The following TMEM238 variants were observed in gnomAD, a reference collection of about 807,000 sequenced individuals.
The protein encoded by TMEM238 is transmembrane protein 238.
For synonymous variants in TMEM238, 103 were observed against 111.5 expected, an observed-to-expected ratio of 0.92 and a Z score of 0.48; for missense variants, 169 against 206.8, an observed-to-expected ratio of 0.82 and a Z score of 1.12.
At chr19:55,380,400 TCCTCCCCTCC>T (rs1406767161) in intron 1 of TMEM238, among the ~76,000 whole-genome samples, 13 of 56,110 alleles carry the variant, frequency 2.3e-4, no homozygotes, top group Non-Finnish European at 3.8e-4. Context: ...CCTTCCCCCC[TCCTCCCCTCC>T]CCTCCCCTCC....
At position 55,384,213 on chromosome 19, in the gene TMEM238, C is replaced by T. The variant is rs544484361; in HGVS notation, c.47G>A (p.Gly16Asp). The T allele has an allele frequency of 6.3e-5, 73 of 1,163,536 alleles. No individual in the cohort carries two copies. In the Middle Eastern group the frequency reaches 2.5e-3, roughly 40 times the overall value. The allele number at this position is 1,163,536 out of a possible 1,614,324, so 72.1% of individuals were successfully genotyped here. ...CGCGGCCGCCGGCGCGGACGGTGCA[C>T]CCGGCGGGCTCCCCTGCGAGGCGCA... is the stretch of plus-strand genomic sequence containing the variant. ...AVCASQGSPPGAPSAPAAAPA... is the reference protein window; with the variant it reads ...AVCASQGSPPDAPSAPAAAPA... The change falls in exon 1 of 2, where the codon GGT (glycine) becomes GAT (aspartate). Residue 16 changes from glycine to aspartate, a missense_variant. Coordinates refer to ENST00000444469, the MANE Select transcript of TMEM238 (RefSeq NM_001190764.2). This position sits in a 1 kb window ranked among gnomAD's most constrained non-coding sequence, Gnocchi z 5.6.
intron 1 of TMEM238, among the ~76,000 whole-genome samples, chr19:55,382,603 T>G (rs1569037279): frequency 6.6e-6 from 1 of 152,154 alleles, no homozygotes; most frequent in Admixed American, 6.5e-5. Flanking sequence ...CAACTGGCTA[T>G]CTGTGGACTA....
At chr19:55,380,616 G>C (rs920412239) in intron 1 of TMEM238, among the ~76,000 whole-genome samples, 5 of 150,970 alleles carry the variant, frequency 3.3e-5, no homozygotes, top group African/African-American at 9.8e-5. Flanking sequence ...GTAGAGACAG[G>C]GTTTCACCAT....
chr19:55,380,718 C>T (rs1013202625), intron 1 of TMEM238, among the ~76,000 whole-genome samples: 4 of 151,468 alleles, frequency 2.6e-5, no homozygotes, highest in African/African-American at 9.7e-5. Flanking sequence ...AGCCACCATG[C>T]CCAACCTCAT....
At chr19:55,381,418 CAAAAAAAAAAAAAAAA>C (rs56902543) in intron 1 of TMEM238, among the ~76,000 whole-genome samples, 1 of 53,532 alleles carries the variant, frequency 1.9e-5, no homozygotes, top group African/African-American at 6.3e-5. Flanking sequence ...AACTCCATCT[CAAAAAAAAAAAAAAAA>C]AAAAAAAAAG....
At position 55,384,058 on chromosome 19, in the gene TMEM238, C is replaced by T; in HGVS notation, c.202G>A (p.Gly68Arg). The T allele has an allele frequency of 6.7e-7, 1 of 1,481,842 alleles. No homozygotes were observed. Among genetic ancestry groups the T allele is most frequent in the Non-Finnish European group, 9.0e-7 (1 of 1,114,090 alleles). The allele number at this position is 1,481,842 out of a possible 1,614,324, so 91.8% of individuals were successfully genotyped here. A position where few individuals can be genotyped will look rare whatever the true frequency, so the allele number is the denominator to read the frequency against. The change falls in exon 1 of 2, where the codon GGG (glycine) becomes AGG (arginine). Residue 68 changes from glycine to arginine, a missense_variant. Transcript: ENST00000444469. The surrounding 1 kb of genome is among the most constrained non-coding windows in gnomAD (Gnocchi z 5.6). The part of the protein sequence containing the change: ...AQLQVRGRDF[G>R]DLLIYSGALL... The stretch of plus-strand genomic sequence containing the variant: ...GCGCCCGAGTAGATGAGCAGGTCCC[C>T]GAAGTCGCGGCCGCGCACCTGCAGC...
intron 1 of TMEM238, 44 bp from the exon 2 acceptor site, chr19:55,379,411 C>G (rs557842555): frequency 6.6e-6 from 1 of 152,242 alleles, no homozygotes; most frequent in South Asian, 2.1e-4. Context: ...AGGAACCCCT[C>G]CCATCCCTGT....
chr19:55,379,661 CAAAG>C (rs1462725651), intron 1 of TMEM238, among the ~76,000 whole-genome samples: 1 of 151,964 alleles, frequency 6.6e-6, no homozygotes, highest in East Asian at 1.9e-4. Context: ...AGCACAGGGA[CAAAG>C]AAAGAGACCT....
chr19:55,382,217 C>T (rs899809681), intron 1 of TMEM238, among the ~76,000 whole-genome samples: 1 of 151,780 alleles, frequency 6.6e-6, no homozygotes, highest in East Asian at 1.9e-4. Context: ...CATCCATCAA[C>T]CAACTCATCC....
At position 55,383,899 on chromosome 19, in the gene TMEM238, G is replaced by A; in HGVS notation, c.361C>T (p.Arg121Cys). ...ALARLARKLS[R>C]RWSAPAAAGQ... ...GCGGCGGCGGGCGCCGACCAGCGGC[G>A]GGAGAGCTTGCGCGCCAGGCGGGCG... is the stretch of plus-strand genomic sequence containing the variant. Residue 121 changes from arginine (R) to cysteine (C), a missense_variant, in exon 1 of 2, where the codon CGC becomes TGC. Physicochemically the swap from Arg to Cys is radical, Grantham distance 180 (BLOSUM62 -3). Coordinates refer to ENST00000444469, the MANE Select transcript of TMEM238 (RefSeq NM_001190764.2). The surrounding 1 kb of genome is among the most constrained non-coding windows in gnomAD (Gnocchi z 4.9). 1 of 1,144,276 alleles carries A rather than the reference G, an allele frequency of 8.7e-7. No homozygotes were observed. Among genetic ancestry groups the A allele is most frequent in the Non-Finnish European group, 1.1e-6 (1 of 925,250 alleles). The allele number at this position is 1,144,276 out of a possible 1,614,324, so 70.9% of individuals were successfully genotyped here. A position where few individuals can be genotyped will look rare whatever the true frequency, so the allele number is the denominator to read the frequency against.
chr19:55,383,879 G>T lies in TMEM238; in HGVS notation c.381C>A (p.Ala127=), dbSNP rs1046039328. Residue 127 remains alanine, a synonymous_variant, in exon 1 of 2, where the codon GCC becomes GCA. Transcript: ENST00000444469. The surrounding 1 kb of genome is among the most constrained non-coding windows in gnomAD (Gnocchi z 4.9). ...RKLSRRWSAP[A]AAGQRPAPGS... ...CGGGCGCGGGGCGCTGGCCCGCGGC[G>T]GCGGGCGCCGACCAGCGGCGGGAGA... is the stretch of plus-strand genomic sequence containing the variant. The T allele has an allele frequency of 5.8e-6, 6 of 1,037,504 alleles. No homozygotes were observed. The highest frequency in any genetic ancestry group is 7.0e-6 in the Non-Finnish European group (6 of 853,762). The allele number at this position is 1,037,504 out of a possible 1,614,324, so 64.3% of individuals were successfully genotyped here.
intron 1 of TMEM238, among the ~76,000 whole-genome samples, chr19:55,380,676 C>T (rs554284054): frequency 6.6e-6 from 1 of 151,654 alleles, no homozygotes; most frequent in Non-Finnish European, 1.5e-5. Flanking sequence ...CCACCCGCCT[C>T]GGCCTCCCAA....
At chr19:55,381,160 TG>T (rs1262968816) in intron 1 of TMEM238, among the ~76,000 whole-genome samples, 7 of 151,966 alleles carry the variant, frequency 4.6e-5, no homozygotes, top group Admixed American at 4.6e-4. Context: ...GGTTCACGCC[TG>T]TAATCCCAGC....
chr19:55,383,651 C>T lies in TMEM238; in HGVS notation c.*7+71G>A, dbSNP rs2089894847. On this transcript the variant is annotated intron_variant, in intron 1 of 1. Transcript: ENST00000444469. This position sits in a 1 kb window ranked among gnomAD's most constrained non-coding sequence, Gnocchi z 4.9. ...CTCTGTCTCCATCTGTCCATCGCTCCCCCGTCTGTCTCCATTCCCGTCCCT... is the reference window on the plus strand; with the variant it reads ...CTCTGTCTCCATCTGTCCATCGCTCTCCCGTCTGTCTCCATTCCCGTCCCT... The T allele has an allele frequency of 4.5e-5, 9 of 200,364 alleles. No homozygotes were observed. The South Asian group carries it at 1.1e-3, about 24-fold the overall frequency. The allele number at this position is 200,364 out of a possible 1,614,324, so 12.4% of individuals were successfully genotyped here. A position where few individuals can be genotyped will look rare whatever the true frequency, so the allele number is the denominator to read the frequency against.
At chr19:55,380,271 T>TCCC (rs2089879873) in intron 1 of TMEM238, among the ~76,000 whole-genome samples, 1 of 71,026 alleles carries the variant, frequency 1.4e-5, no homozygotes, top group African/African-American at 6.4e-5. Flanking sequence ...TCTCCTCTCC[T>TCCC]CCCCTCCCCT....
intron 1 of TMEM238, among the ~76,000 whole-genome samples, chr19:55,379,928 G>A (rs2089878332): frequency 6.6e-6 from 1 of 151,908 alleles, no homozygotes; most frequent in African/African-American, 2.4e-5. Flanking sequence ...CCAGGAGGTG[G>A]AGGCTGCAGT....
chr19:55,380,182 T>C (rs576728590), intron 1 of TMEM238, among the ~76,000 whole-genome samples: 1 of 151,822 alleles, frequency 6.6e-6, no homozygotes, highest in South Asian at 2.1e-4. Flanking sequence ...TTCGAGTCAG[T>C]GTGGTCTGAG....
intron 1 of TMEM238, among the ~76,000 whole-genome samples, chr19:55,381,157 G>A (rs2089885153): frequency 6.6e-6 from 1 of 151,752 alleles, no homozygotes; most frequent in Non-Finnish European, 1.5e-5. Flanking sequence ...GGTGGTTCAC[G>A]CCTGTAATCC....
At position 55,384,254 on chromosome 19, in the gene TMEM238, C is replaced by T; in HGVS notation, c.6G>A (p.Ala2=). M[A]AAPAVCASQG... ...GCGAGGCGCACACCGCTGGCGCCGC[C>T]GCCATGGCCCTGCACCGCCGCCGCT... The change falls in exon 1 of 2, where the codon GCG becomes GCA. Residue 2 remains alanine, a synonymous_variant. Coordinates refer to ENST00000444469, the MANE Select transcript of TMEM238 (RefSeq NM_001190764.2). The surrounding 1 kb of genome is among the most constrained non-coding windows in gnomAD (Gnocchi z 5.6). 3.7e-6 allele frequency: 4 copies of T among 1,093,886 alleles called. No homozygotes were observed. Among genetic ancestry groups the T allele is most frequent in the Non-Finnish European group, 4.4e-6 (4 of 901,736 alleles). 67.8% of individuals were successfully genotyped at this position (1,093,886 alleles called of 1,614,324 possible).
Sources: allele counts gnomAD v4.1 joint callset (sites outside exome capture counted in the v4.1 genomes callset), GRCh38; gene constraint gnomAD v4.1.1; non-coding constraint Gnocchi (gnomAD v3.1); transcripts MANE v1.5; gene names NCBI Gene and HGNC (gene_info 2026-07-23, HGNC 2026-07-21).